SPRED1: variants seen among roughly 807,000 people sequenced by gnomAD.
The protein encoded by SPRED1 is sprouty-related, EVH1 domain-containing protein 1.
SPRED1 carries 18 observed loss-of-function variants against 52.3 expected under a neutral mutation model. The ratio of observed to expected loss-of-function variants is 0.34; its 90% CI spans 0.24 to 0.51. SPRED1 has a LOEUF of 0.51. Among genes scored for constraint, SPRED1 ranks in the 20% least tolerant of loss-of-function variants. SPRED1 has a pLI of 0.97. For missense variants in SPRED1, 485 were observed against 551.0 expected, an observed-to-expected ratio of 0.88 and a Z score of 1.20; for synonymous variants, 155 against 179.7, an observed-to-expected ratio of 0.86 and a Z score of 1.10.
At chr15:38,289,383 T>G (rs1375097559) in intron 1 of SPRED1, among the ~76,000 whole-genome samples, 1 of 151,956 alleles carries the variant, frequency 6.6e-6, no homozygotes, top group African/African-American at 2.4e-5. Context: ...TCTTACTGAT[T>G]TTTGGAGTTA....
At position 38,294,482 on chromosome 15, in the gene SPRED1, G is replaced by A. The variant is rs553346512; in HGVS notation, c.33-4891G>A. On this transcript the variant is annotated intron_variant, in intron 1 of 6. Coordinates refer to ENST00000299084, the MANE Select transcript of SPRED1 (RefSeq NM_152594.3). Reference sequence around the variant, plus strand: ...GTAGTAGTTTCCTGTTGCTGATGTAGGCAAATTACCATAAACTTAGTGACT... The same window carrying A: ...GTAGTAGTTTCCTGTTGCTGATGTAAGCAAATTACCATAAACTTAGTGACT... Among the ~76,000 whole-genome samples, 11 of 152,122 alleles carry A rather than the reference G, an allele frequency of 7.2e-5. No homozygotes were observed. The East Asian group carries it at 1.3e-3, about 19-fold the overall frequency.
chr15:38,330,171 T>G (rs1240436793), intron 4 of SPRED1, among the ~76,000 whole-genome samples: 1 of 152,174 alleles, frequency 6.6e-6, no homozygotes, highest in Non-Finnish European at 1.5e-5. Flanking sequence ...AACTAACTCT[T>G]CATTAGAAAC....
intron 4 of SPRED1, among the ~76,000 whole-genome samples, chr15:38,331,342 T>A (rs946450386): frequency 3.3e-5 from 5 of 152,096 alleles, no homozygotes; most frequent in African/African-American, 1.2e-4. Flanking sequence ...TATATTAAAC[T>A]TTTTGCTCTT....
At chr15:38,289,457 C>T (rs532556515) in intron 1 of SPRED1, among the ~76,000 whole-genome samples, 1 of 151,216 alleles carries the variant, frequency 6.6e-6, no homozygotes, top group Admixed American at 6.6e-5. Flanking sequence ...CAGAATATGT[C>T]CTGCCCCTCC....
At chr15:38,267,989 G>A (rs1444025410) in intron 1 of SPRED1, among the ~76,000 whole-genome samples, 1 of 152,146 alleles carries the variant, frequency 6.6e-6, no homozygotes, top group African/African-American at 2.4e-5. Flanking sequence ...TTCATATTGG[G>A]AAAACAACTG....
chr15:38,316,105 A>C (rs1019940309), intron 2 of SPRED1, among the ~76,000 whole-genome samples: 2 of 151,974 alleles, frequency 1.3e-5, no homozygotes, highest in African/African-American at 4.8e-5. Flanking sequence ...TCATAGCTTA[A>C]TCATTTTATT....
At chr15:38,305,907 A>G (rs977489472) in intron 2 of SPRED1, among the ~76,000 whole-genome samples, 1 of 152,188 alleles carries the variant, frequency 6.6e-6, no homozygotes, top group African/African-American at 2.4e-5. Context: ...CATTTATTCA[A>G]ACAGATCTTC....
intron 2 of SPRED1, among the ~76,000 whole-genome samples, chr15:38,306,244 T>C (rs1895247956): frequency 6.6e-6 from 1 of 152,170 alleles, no homozygotes; most frequent in African/African-American, 2.4e-5. Flanking sequence ...TCATCAGAAG[T>C]ACCATGTATA....
chr15:38,297,888 T>A (rs577052082), intron 1 of SPRED1, among the ~76,000 whole-genome samples: 95 of 152,308 alleles, frequency 6.2e-4, no homozygotes, highest in African/African-American at 2.2e-3. Flanking sequence ...ATACAGATAG[T>A]AAGTTTCTAA....
At chr15:38,311,602 T>TA (rs1895368722) in intron 2 of SPRED1, among the ~76,000 whole-genome samples, 2 of 152,216 alleles carry the variant, frequency 1.3e-5, no homozygotes, top group East Asian at 3.8e-4. Flanking sequence ...CTTTAATTGT[T>TA]ATACGACTAT....
chr15:38,317,089 C>T (rs1268759907), intron 2 of SPRED1, among the ~76,000 whole-genome samples: 1 of 151,834 alleles, frequency 6.6e-6, no homozygotes, highest in Non-Finnish European at 1.5e-5. Context: ...TTTATCTTTA[C>T]TATCTATTTT....
At chr15:38,343,237 A>T (rs1029066365) in intron 5 of SPRED1, among the ~76,000 whole-genome samples, 1 of 152,130 alleles carries the variant, frequency 6.6e-6, no homozygotes, top group African/African-American at 2.4e-5. Flanking sequence ...AGAGGAAACA[A>T]AGATGATGTT....
intron 3 of SPRED1, among the ~76,000 whole-genome samples, chr15:38,324,031 A>G (rs1049049110): frequency 1.3e-5 from 2 of 152,184 alleles, no homozygotes; most frequent in African/African-American, 4.8e-5. Context: ...ATCAGCTGCT[A>G]TATAGACTTT....
chr15:38,320,207 A>G (rs949365265), intron 2 of SPRED1, among the ~76,000 whole-genome samples: 4 of 152,224 alleles, frequency 2.6e-5, no homozygotes, highest in Non-Finnish European at 5.9e-5. Flanking sequence ...CTTGGGAGCC[A>G]GTATAAGCAG....
intron 4 of SPRED1, among the ~76,000 whole-genome samples, chr15:38,335,062 G>T (rs1895884917): frequency 6.6e-6 from 1 of 151,876 alleles, no homozygotes; most frequent in Non-Finnish European, 1.5e-5. Flanking sequence ...TTAATTGAAT[G>T]GTCAGTATGT....
rs893458795 is a variant in SPRED1 at position 38,354,780 on chromosome 15, G to A, written c.*3116G>A. ...GGACTGGCAATCAAACTTAATGGAT[G>A]TACTGAGGCATTTATAGAACCAGTT... On this transcript the variant is annotated 3_prime_UTR_variant, in exon 7 of 7. Transcript: ENST00000299084. 2 of 152,180 alleles carry A rather than the reference G, an allele frequency of 1.3e-5. No homozygotes were observed. The highest frequency in any genetic ancestry group is 4.8e-5 in the African/African-American group (2 of 41,436). 9.4% of individuals were successfully genotyped at this position (152,180 alleles called of 1,614,324 possible). A position where few individuals can be genotyped will look rare whatever the true frequency, so the allele number is the denominator to read the frequency against.
chr15:38,292,114 C>A (rs1022732742), intron 1 of SPRED1, among the ~76,000 whole-genome samples: 9 of 152,190 alleles, frequency 5.9e-5, no homozygotes, highest in Non-Finnish European at 1.0e-4. Context: ...TCATCTCTTT[C>A]AAGCTCAAAG....
At position 38,356,157 on chromosome 15, in the gene SPRED1, T is replaced by C. The variant is rs573365424; in HGVS notation, c.*4493T>C. 6.6e-6 allele frequency: 1 copy of C among 152,180 alleles called. No individual in the cohort carries two copies. The highest frequency in any genetic ancestry group is 2.4e-5 in the African/African-American group (1 of 41,464). 9.4% of individuals were successfully genotyped at this position (152,180 alleles called of 1,614,324 possible). A position where few individuals can be genotyped will look rare whatever the true frequency, so the allele number is the denominator to read the frequency against. ...TTTCCAGTGTGTAGTGTCGTTTGCT[T>C]TCTATTTCTGACCTCAAAAGTGCCT... On this transcript the variant is annotated 3_prime_UTR_variant, in exon 7 of 7. Coordinates refer to ENST00000299084, the MANE Select transcript of SPRED1 (RefSeq NM_152594.3).
chr15:38,272,934 T>G (rs562926705), intron 1 of SPRED1, among the ~76,000 whole-genome samples: 1 of 152,348 alleles, frequency 6.6e-6, no homozygotes, highest in South Asian at 2.1e-4. Flanking sequence ...TTCTGGATAT[T>G]ATGTCTTTGT....
Sources: allele counts gnomAD v4.1 joint callset (sites outside exome capture counted in the v4.1 genomes callset), GRCh38; gene constraint gnomAD v4.1.1; transcripts MANE v1.5; gene names NCBI Gene and HGNC (gene_info 2026-07-23, HGNC 2026-07-21).